The following GLIS3 variants were observed in gnomAD, a reference collection of about 807,000 sequenced individuals.
The protein encoded by GLIS3 is zinc finger protein GLIS3.
Under a neutral mutation model 78.6 loss-of-function variants are expected in GLIS3, and 53 were observed. That is an observed-to-expected ratio of 0.67 (90% CI 0.54 to 0.85). GLIS3 has a LOEUF of 0.85. Ranked by LOEUF, GLIS3 falls within the 40% of genes least tolerant of loss-of-function variation. The pLI is 0.00. For synonymous variants in GLIS3, 684 were observed against 509.9 expected (o/e 1.34, Z -4.60); for missense variants, 1,703 against 1,231.1 (o/e 1.38, Z -5.74).
the GLIS3 span, among the ~76,000 whole-genome samples, chr9:4,354,115 C>T: frequency 6.6e-6 from 1 of 151,744 alleles, no homozygotes; most frequent in Non-Finnish European, 1.5e-5. Flanking sequence ...GGATTACAGG[C>T]GTGAGCCACC....
At chr9:4,241,575 C>T (rs1264262806) in intron 2 of GLIS3, among the ~76,000 whole-genome samples, 3 of 152,132 alleles carry the variant, frequency 2.0e-5, no homozygotes. Flanking sequence ...TGTATTATCA[C>T]ATATATCCCC....
intron 2 of GLIS3, among the ~76,000 whole-genome samples, chr9:4,281,137 C>A (rs1827508314): frequency 6.6e-6 from 1 of 152,142 alleles, no homozygotes; most frequent in African/African-American, 2.4e-5. Context: ...TTATTTCATT[C>A]TTAAACAACC....
intron 2 of GLIS3, among the ~76,000 whole-genome samples, chr9:4,319,938 G>C (rs888500788): frequency 6.6e-6 from 1 of 151,870 alleles, no homozygotes; most frequent in Non-Finnish European, 1.5e-5. Flanking sequence ...GATTTGTTTT[G>C]TTCGGCCTAT....
intron 7 of GLIS3, among the ~76,000 whole-genome samples, chr9:3,893,671 T>C (rs1822609150): frequency 6.6e-6 from 1 of 152,124 alleles, no homozygotes; most frequent in Admixed American, 6.5e-5. Context: ...AGAGCAATGG[T>C]TTTCAAAGGC....
chr9:3,860,179 G>A (rs761362111), intron 8 of GLIS3, among the ~76,000 whole-genome samples: 2 of 149,816 alleles, frequency 1.3e-5, no homozygotes, highest in Non-Finnish European at 3.0e-5. Context: ...GGAGGCTGAG[G>A]CAGGAGAATG....
intron 9 of GLIS3, among the ~76,000 whole-genome samples, chr9:3,839,382 T>C (rs895173512): frequency 2.0e-5 from 3 of 152,214 alleles, no homozygotes; most frequent in Non-Finnish European, 2.9e-5. Flanking sequence ...AGAGCTTTCT[T>C]ACTGGCGGGT....
At chr9:4,288,715 G>A (rs900712064) in intron 1 of GLIS3, among the ~76,000 whole-genome samples, 17 of 137,286 alleles carry the variant, frequency 1.2e-4, no homozygotes, top group African/African-American at 2.9e-4. Context: ...CTACACTCCC[G>A]TTTTAAATAG....
the GLIS3 span, among the ~76,000 whole-genome samples, chr9:4,474,985 A>ATTTTTTTTTTTTTTTTT: frequency 1.7e-4 from 19 of 114,518 alleles, 2 homozygotes; most frequent in African/African-American, 3.8e-4. Flanking sequence ...GACTATGTTA[A>ATTTTTTTTTTTTTTTTT]TTTTTTTTTC....
chr9:3,847,472 C>T (rs181861034), intron 9 of GLIS3, among the ~76,000 whole-genome samples: 3 of 152,358 alleles, frequency 2.0e-5, no homozygotes, highest in South Asian at 2.1e-4. Context: ...CTGAGACTTA[C>T]AATTTAGCAA....
the GLIS3 span, among the ~76,000 whole-genome samples, chr9:4,380,464 A>G: frequency 1.3e-5 from 2 of 152,228 alleles, no homozygotes; most frequent in Non-Finnish European, 2.9e-5. Flanking sequence ...CAAAAGCACC[A>G]AAGAAGATAA....
intron 7 of GLIS3, among the ~76,000 whole-genome samples, chr9:3,895,553 T>A (rs1172844911): frequency 6.6e-6 from 1 of 152,200 alleles, no homozygotes; most frequent in Non-Finnish European, 1.5e-5. Context: ...GGGACGCTAT[T>A]ATCTTTCACA....
intron 2 of GLIS3, among the ~76,000 whole-genome samples, chr9:4,161,281 T>C (rs1003846577): frequency 3.3e-5 from 5 of 151,810 alleles, no homozygotes; most frequent in East Asian, 1.9e-4. Flanking sequence ...TCAAAATAAA[T>C]AAACAAATAA....
At chr9:3,913,886 T>TA (rs1348730066) in intron 6 of GLIS3, among the ~76,000 whole-genome samples, 2 of 152,306 alleles carry the variant, frequency 1.3e-5, no homozygotes, top group East Asian at 3.9e-4. Context: ...AGGTACTCTA[T>TA]AAATGTTTAG....
chr9:4,420,051 T>C, the GLIS3 span, among the ~76,000 whole-genome samples: 2 of 152,168 alleles, frequency 1.3e-5, no homozygotes, highest in Non-Finnish European at 2.9e-5. Context: ...TAGAGCAATG[T>C]CCTGAAGCCT....
the GLIS3 span, chr9:4,386,374 T>C: frequency 8.0e-6 from 1 of 125,242 alleles, no homozygotes; most frequent in East Asian, 2.1e-4. Context: ...TTAGTTTTTC[T>C]TCATTTTCTT....
In GLIS3 at chr9:4,118,029, G is replaced by T. The variant is rs145515526; in HGVS notation, c.1449C>A (p.Pro483=). ...CCCCGTCGTCGTCCAGGGTGGCCTGGGGCAAGGCCAGCTGCTGGGCGTGGG... is the reference window on the plus strand; with the variant it reads ...CCCCGTCGTCGTCCAGGGTGGCCTGTGGCAAGGCCAGCTGCTGGGCGTGGG... ...LGPHAQQLAL[P]QATLDDDGEM... is the part of the protein sequence containing the mutation. The change falls in exon 4 of 11, where the codon CCC becomes CCA. Residue 483 remains proline (P), a synonymous_variant. Coordinates refer to ENST00000381971, the MANE Select transcript of GLIS3 (RefSeq NM_001042413.2). This position sits in a 1 kb window ranked among gnomAD's most constrained non-coding sequence, Gnocchi z 4.7. The T allele has an allele frequency of 2.5e-6, 4 of 1,600,514 alleles. No individual in the cohort carries two copies. The highest frequency in any genetic ancestry group is 3.4e-6 in the Non-Finnish European group (4 of 1,173,270).
chr9:4,292,386 A>G (rs558710053), intron 1 of GLIS3, among the ~76,000 whole-genome samples: 3 of 152,270 alleles, frequency 2.0e-5, no homozygotes, highest in African/African-American at 7.2e-5. Flanking sequence ...GTAAGACAAA[A>G]AATATATTGT....
At chr9:4,431,250 C>G in the GLIS3 span, among the ~76,000 whole-genome samples, 1 of 152,214 alleles carries the variant, frequency 6.6e-6, no homozygotes, top group African/African-American at 2.4e-5. Flanking sequence ...TAGCAGCAAA[C>G]TTCACATATT....
At chr9:4,481,147 C>A in the GLIS3 span, among the ~76,000 whole-genome samples, 1 of 152,084 alleles carries the variant, frequency 6.6e-6, no homozygotes, top group Non-Finnish European at 1.5e-5. Flanking sequence ...TAAGCCACCT[C>A]ACCCAGCCCT....
Sources: allele counts gnomAD v4.1 joint callset (sites outside exome capture counted in the v4.1 genomes callset), GRCh38; gene constraint gnomAD v4.1.1; non-coding constraint Gnocchi (gnomAD v3.1); transcripts MANE v1.5; gene names NCBI Gene and HGNC (gene_info 2026-07-23, HGNC 2026-07-21).